Variants in RAC1 observed in about 807,000 individuals in gnomAD.
RAC1 encodes Rac family small GTPase 1.
RAC1 carries 2 observed loss-of-function variants against 25.2 expected under a neutral mutation model. The observed-to-expected ratio is 0.08, with a 90% CI of 0.03 to 0.25. The LOEUF (loss-of-function observed/expected upper bound fraction) is 0.25, where lower values mean the gene tolerates loss of function less well. Ranked by LOEUF, RAC1 falls within the 10% of genes least tolerant of loss-of-function variation. The pLI is 1.00. For missense variants in RAC1, 50 were observed against 235.7 expected (o/e 0.21, Z 5.16); for synonymous variants, 88 against 94.0 (o/e 0.94, Z 0.37).
At chr7:6,401,356 C>T (rs1355856736) in intron 4 of RAC1, among the ~76,000 whole-genome samples, 1 of 152,102 alleles carries the variant, frequency 6.6e-6, no homozygotes, top group Non-Finnish European at 1.5e-5. Flanking sequence ...AAATAACGAC[C>T]ATTTCTTTCT....
chr7:6,397,474 TA>T (rs1179707140), intron 3 of RAC1, among the ~76,000 whole-genome samples: 3 of 151,730 alleles, frequency 2.0e-5, no homozygotes, highest in African/African-American at 7.3e-5. Flanking sequence ...TTTGTATTTT[TA>T]GTAGACACAG....
At position 6,391,969 on chromosome 7, in the gene RAC1, G is replaced by C; in HGVS notation, c.153G>C (p.Val51=). 1 of 1,614,080 alleles carries C rather than the reference G, an allele frequency of 6.2e-7. No homozygotes were observed. Among genetic ancestry groups the C allele is most frequent in the South Asian group, 1.1e-5 (1 of 91,080 alleles). The change falls in exon 3 of 6, where the codon GTG becomes GTC. Residue 51 remains valine (V), a synonymous_variant. Transcript: ENST00000348035. ...ATGTTATGGTAGATGGAAAACCGGT[G>C]AATCTGGGCTTATGGGATACAGCTG... ...SANVMVDGKP[V]NLGLWDTAGQ...
intron 3 of RAC1, among the ~76,000 whole-genome samples, chr7:6,397,387 C>T (rs1018783938): frequency 6.6e-6 from 1 of 151,884 alleles, no homozygotes; most frequent in Non-Finnish European, 1.5e-5. Context: ...CTCCACCTCC[C>T]GGGTTCAAGC....
chr7:6,384,708 G>T (rs1006440795), intron 1 of RAC1, among the ~76,000 whole-genome samples: 1 of 151,846 alleles, frequency 6.6e-6, no homozygotes, highest in African/African-American at 2.4e-5. Context: ...TGGGCTCAGC[G>T]ATCCTCCCAC....
chr7:6,398,723 G>A, intron 3 of RAC1: 3 of 1,613,316 alleles, frequency 1.9e-6, no homozygotes, highest in East Asian at 2.2e-5. Context: ...ATTGCCGTAT[G>A]TAAAACTTTC....
chr7:6,377,995 C>G (rs1423193883), intron 1 of RAC1, among the ~76,000 whole-genome samples: 2 of 152,102 alleles, frequency 1.3e-5, no homozygotes, highest in Non-Finnish European at 2.9e-5. Flanking sequence ...TCAGGCTGTA[C>G]GTCCCTCCAT....
At chr7:6,397,036 CA>C (rs151105670) in intron 3 of RAC1, among the ~76,000 whole-genome samples, 11,624 of 80,308 alleles carry the variant, frequency 0.14, 944 homozygotes, top group East Asian at 0.48. Context: ...CTCTCAAAAA[CA>C]AAAAAAAAAA....
intron 1 of RAC1, among the ~76,000 whole-genome samples, chr7:6,376,987 A>G (rs1325591527): frequency 3.3e-5 from 5 of 151,862 alleles, no homozygotes; most frequent in African/African-American, 4.8e-5. Context: ...CACCGCTTAC[A>G]TGGGGTAACC....
intron 2 of RAC1, among the ~76,000 whole-genome samples, chr7:6,389,453 G>A (rs768801489): frequency 3.3e-5 from 5 of 151,938 alleles, no homozygotes; most frequent in Non-Finnish European, 7.4e-5. Flanking sequence ...GGCTGAGCTG[G>A]GCGGATCACT....
chr7:6,391,271 T>C lies in RAC1; in HGVS notation c.108-653T>C, dbSNP rs376494465. On this transcript the variant is annotated intron_variant, in intron 2 of 5. Coordinates refer to ENST00000348035, the MANE Select transcript of RAC1 (RefSeq NM_006908.5). ...CCTGTGCAGAGGAAACACTATTTTC[T>C]TCTAAAGCTTGGTTTCTGCTGACCA... Among the ~76,000 whole-genome samples the C allele has an allele frequency of 5.3e-5, 8 of 152,256 alleles. No homozygotes were observed. The East Asian group carries it at 1.3e-3, about 26-fold the overall frequency.
intron 2 of RAC1, among the ~76,000 whole-genome samples, chr7:6,388,176 G>A (rs562207819): frequency 6.6e-5 from 10 of 152,016 alleles, no homozygotes; most frequent in South Asian, 2.1e-4. Flanking sequence ...GGGAGCGCAC[G>A]TAGCTGAGCC....
At chr7:6,387,087 C>T (rs1782943699) in intron 1 of RAC1, 125 bp from the exon 2 acceptor site, 1 of 605,430 alleles carries the variant, frequency 1.7e-6, no homozygotes, top group Admixed American at 3.5e-5. Context: ...AAAACATTTT[C>T]TTTAATGCTA....
At chr7:6,396,225 T>G (rs1209918685) in intron 3 of RAC1, among the ~76,000 whole-genome samples, 1 of 152,166 alleles carries the variant, frequency 6.6e-6, no homozygotes, top group East Asian at 1.9e-4. Context: ...TGAGAGACCC[T>G]GGAGAGACAC....
chr7:6,391,647 T>C (rs561046279), intron 2 of RAC1: 1 of 430,110 alleles, frequency 2.3e-6, no homozygotes, highest in East Asian at 4.0e-5. Context: ...TAAACTTTGT[T>C]TAAAGTAAAA....
rs781547027 is a variant in RAC1 at position 6,402,891 on chromosome 7, T to C, written c.*445T>C. 4.6e-5 allele frequency: 9 copies of C among 194,416 alleles called. No homozygotes were observed. The highest frequency in any genetic ancestry group is 8.6e-5 in the Non-Finnish European group (8 of 93,206). The allele number at this position is 194,416 out of a possible 1,614,324, so 12.0% of individuals were successfully genotyped here. A position where few individuals can be genotyped will look rare whatever the true frequency, so the allele number is the denominator to read the frequency against. On this transcript the variant is annotated 3_prime_UTR_variant, in exon 6 of 6. Transcript: ENST00000348035. Reference sequence around the variant, plus strand: ...GCAGACACTTGCTCTCCTATGTAGTTCTCAGATGCGTAAAGCAGAACAGCC... The same window carrying C: ...GCAGACACTTGCTCTCCTATGTAGTCCTCAGATGCGTAAAGCAGAACAGCC...
chr7:6,391,891 C>T, intron 2 of RAC1, 33 bp from the exon 3 acceptor site: 4 of 1,613,842 alleles, frequency 2.5e-6, no homozygotes, highest in Non-Finnish European at 3.4e-6. Flanking sequence ...AGCTTCTACA[C>T]CTGTGACTAA....
intron 2 of RAC1, among the ~76,000 whole-genome samples, chr7:6,389,135 G>C (rs1404090839): frequency 6.6e-6 from 1 of 151,742 alleles, no homozygotes; most frequent in Non-Finnish European, 1.5e-5. Context: ...CCGGGAAGCA[G>C]AGGTTGCAGT....
At chr7:6,396,055 G>A (rs781651809) in intron 3 of RAC1, among the ~76,000 whole-genome samples, 2 of 152,180 alleles carry the variant, frequency 1.3e-5, no homozygotes, top group South Asian at 4.1e-4. Context: ...TGATGCAGGA[G>A]TAACAAAGGC....
intron 1 of RAC1, among the ~76,000 whole-genome samples, chr7:6,378,578 T>G (rs1314176561): frequency 6.6e-6 from 1 of 152,038 alleles, no homozygotes; most frequent in Non-Finnish European, 1.5e-5. Flanking sequence ...AGAAATAATT[T>G]GCAAAGCATG....
Sources: gnomAD v4.1 joint callset for allele counts (sites outside exome capture counted in the v4.1 genomes callset) on GRCh38, gnomAD v4.1.1 for gene constraint, MANE v1.5 for transcripts, NCBI Gene and HGNC (gene_info 2026-07-23, HGNC 2026-07-21) for gene names.